PCDHGA7: variants seen among roughly 807,000 people sequenced by gnomAD.
PCDHGA7 encodes the protein protocadherin gamma subfamily A, 7, also known as protocadherin gamma-A7.
PCDHGA7 carries 44 observed loss-of-function variants against 58.3 expected under a neutral mutation model. The ratio of observed to expected loss-of-function variants is 0.75; its 90% CI spans 0.59 to 0.97. The LOEUF (loss-of-function observed/expected upper bound fraction) is 0.97. Among genes scored for constraint, PCDHGA7 ranks in the 50% least tolerant of loss-of-function variants. The pLI is 0.00. For synonymous variants in PCDHGA7, 516 were observed against 504.2 expected (o/e 1.02, Z -0.31); for missense variants, 1,266 against 1,188.7 (o/e 1.06, Z -0.96).
Position 141,409,135 on chromosome 5 carries a change from T to C in PCDHGA7, c.2424+23812T>C, listed in dbSNP as rs748247175. 3.1e-6 allele frequency: 5 copies of C among 1,614,026 alleles called. No homozygotes were observed. In the South Asian group the frequency reaches 3.3e-5, roughly 11 times the overall value. On this transcript the variant is annotated intron_variant, in intron 1 of 3. Coordinates refer to ENST00000518325, the MANE Select transcript of PCDHGA7 (RefSeq NM_018920.4). ...ATAACCAGTCATTTGATTTTGAAGA[T>C]GTAGAAAGGTACACCATGGAAGTGG...
chr5:141,505,616 C>A, intron 3 of PCDHGA7, 135 bp downstream of exon 3: 1 of 1,503,160 alleles, frequency 6.7e-7, no homozygotes. Flanking sequence ...CTGAAAGGAC[C>A]CACAATTCCA....
Position 141,387,188 on chromosome 5 carries a change from A to AT in PCDHGA7, c.2424+1869dup, listed in dbSNP as rs756053244. On this transcript the variant is annotated intron_variant, in intron 1 of 3. Transcript: ENST00000518325. ...TATAAATTGCACCTTCTAAAAGGCA[A>AT]TTTTGGTATTACTGATACTCTCCGG... is the stretch of plus-strand genomic sequence containing the variant. Among the ~76,000 whole-genome samples the AT allele has an allele frequency of 1.8e-3, 273 of 152,232 alleles. 6 individuals carry two copies. Among genetic ancestry groups the AT allele is most frequent in the Non-Finnish European group, 6.8e-4 (46 of 68,046 alleles).
chr5:141,486,089 G>T lies in PCDHGA7; in HGVS notation c.2425-8718G>T, dbSNP rs2099624123. On this transcript the variant is annotated intron_variant, in intron 1 of 3. Coordinates refer to ENST00000518325, the MANE Select transcript of PCDHGA7 (RefSeq NM_018920.4). The surrounding 1 kb of genome is among the most constrained non-coding windows in gnomAD (Gnocchi z 5.0). ...CACTACTGGAAAGCTTACTCTTTTG[G>T]GGCCCCTAGACTTTGAGAGTGAGAA... is the stretch of plus-strand genomic sequence containing the variant. 1 of 1,614,084 alleles carries T rather than the reference G, an allele frequency of 6.2e-7. No individual in the cohort carries two copies. The highest frequency in any genetic ancestry group is 8.5e-7 in the Non-Finnish European group (1 of 1,180,014).
chr5:141,472,230 C>T (rs1274096264), intron 1 of PCDHGA7, among the ~76,000 whole-genome samples: 1 of 152,116 alleles, frequency 6.6e-6, no homozygotes, highest in Non-Finnish European at 1.5e-5. Flanking sequence ...TCATATAATA[C>T]ATTCACTTTC....
rs754462129 is a variant in PCDHGA7, at chr5:141,490,693, G to T, written c.2425-4114G>T. 6.2e-7 allele frequency: 1 copy of T among 1,614,170 alleles called. No homozygotes were observed. Among genetic ancestry groups the T allele is most frequent in the South Asian group, 1.1e-5 (1 of 91,072 alleles). On this transcript the variant is annotated intron_variant, in intron 1 of 3. Transcript: ENST00000518325. This position sits in a 1 kb window ranked among gnomAD's most constrained non-coding sequence, Gnocchi z 5.4. Reference sequence around the variant, plus strand: ...GGCTGCCTCAGATCCAGACACTGGGGATAATGCCCGCCTCACCTACTCCAT... The same window carrying T: ...GGCTGCCTCAGATCCAGACACTGGGTATAATGCCCGCCTCACCTACTCCAT...
intron 1 of PCDHGA7, chr5:141,417,867 G>C (rs1182017096): frequency 1.9e-6 from 3 of 1,552,610 alleles, no homozygotes; most frequent in African/African-American, 2.7e-5. Flanking sequence ...ACGATGGGAG[G>C]GAGCTGCGCG....
At chr5:141,405,031 C>T (rs760020802) in intron 1 of PCDHGA7, 4 of 1,613,968 alleles carry the variant, frequency 2.5e-6, no homozygotes, top group South Asian at 2.2e-5. Context: ...CCCTCTACCT[C>T]GTTGTGGCTG....
rs372326132 is a variant in PCDHGA7 at position 141,486,185 on chromosome 5, G to A, written c.2425-8622G>A. On this transcript the variant is annotated intron_variant, in intron 1 of 3. Coordinates refer to ENST00000518325, the MANE Select transcript of PCDHGA7 (RefSeq NM_018920.4). The surrounding 1 kb of genome is among the most constrained non-coding windows in gnomAD (Gnocchi z 5.0). ...CATGGAGCAACATTGCAGCCTTCGAGTGGATCTGCTGGACGTAAATGACAA... is the reference window on the plus strand; with the variant it reads ...CATGGAGCAACATTGCAGCCTTCGAATGGATCTGCTGGACGTAAATGACAA... 42 of 1,614,108 alleles carry A rather than the reference G, an allele frequency of 2.6e-5. No homozygotes were observed. The highest frequency in any genetic ancestry group is 3.4e-5 in the Non-Finnish European group (40 of 1,180,048).
At chr5:141,488,478 A>T (rs1251914951) in intron 1 of PCDHGA7, among the ~76,000 whole-genome samples, 5 of 152,072 alleles carry the variant, frequency 3.3e-5, no homozygotes, top group African/African-American at 4.8e-5. Flanking sequence ...ATGTTCCCCT[A>T]CCCAAAAACT....
At chr5:141,392,775 A>G in intron 1 of PCDHGA7, 1 of 1,524,280 alleles carries the variant, frequency 6.6e-7, no homozygotes, top group Non-Finnish European at 8.8e-7. Context: ...CCATTTATGC[A>G]CAGTGAAGAT....
rs1345800081 is a variant in PCDHGA7, at chr5:141,485,453, G to A, written c.2425-9354G>A. 1 of 1,614,176 alleles carries A rather than the reference G, an allele frequency of 6.2e-7. No homozygotes were observed. The highest frequency in any genetic ancestry group is 8.5e-7 in the Non-Finnish European group (1 of 1,180,036). On this transcript the variant is annotated intron_variant, in intron 1 of 3. Transcript: ENST00000518325. The surrounding 1 kb of genome is among the most constrained non-coding windows in gnomAD (Gnocchi z 5.7). ...CATCAAGAACCCAATCGACCGAGAG[G>A]CACTGTGTGGGCTCAGTGCCAGCTG...
intron 1 of PCDHGA7, among the ~76,000 whole-genome samples, chr5:141,453,574 G>T (rs1285296493): frequency 6.6e-6 from 1 of 152,084 alleles, no homozygotes; most frequent in Non-Finnish European, 1.5e-5. Context: ...TCATTAGTTT[G>T]TGGTTTATCC....
intron 1 of PCDHGA7, chr5:141,408,969 C>T (rs1005367761): frequency 3.7e-6 from 6 of 1,613,594 alleles, no homozygotes; most frequent in Non-Finnish European, 5.1e-6. Context: ...GAAAATCTGC[C>T]CCCTGGGTCC....
intron 1 of PCDHGA7, chr5:141,417,710 T>C: frequency 8.0e-7 from 1 of 1,249,348 alleles, no homozygotes; most frequent in Non-Finnish European, 1.1e-6. Context: ...ACACAGAGGC[T>C]CCCGGCTGCG....
intron 1 of PCDHGA7, among the ~76,000 whole-genome samples, chr5:141,437,983 A>G (rs544812394): frequency 4.6e-5 from 7 of 151,938 alleles, no homozygotes; most frequent in Admixed American, 2.6e-4. Context: ...GGATGCACCC[A>G]CCCCACCTCA....
intron 1 of PCDHGA7, among the ~76,000 whole-genome samples, chr5:141,439,599 G>A (rs1319524199): frequency 6.6e-6 from 1 of 152,146 alleles, no homozygotes; most frequent in Non-Finnish European, 1.5e-5. Flanking sequence ...TGGCCAGTCT[G>A]GAAACAGAGA....
intron 1 of PCDHGA7, chr5:141,418,384 C>A (rs774636792): frequency 1.5e-5 from 25 of 1,613,864 alleles, no homozygotes; most frequent in East Asian, 4.5e-5. Context: ...TAAGTCCTAA[C>A]GAGTATTTCT....
intron 1 of PCDHGA7, among the ~76,000 whole-genome samples, chr5:141,468,747 T>A (rs2099176715): frequency 6.6e-6 from 1 of 151,990 alleles, no homozygotes; most frequent in South Asian, 2.1e-4. Context: ...GTGCCTGTAG[T>A]CCCAGCTACT....
At position 141,491,645 on chromosome 5, in the gene PCDHGA7, C is replaced by T; in HGVS notation, c.2425-3162C>T. On this transcript the variant is annotated intron_variant, in intron 1 of 3. Transcript: ENST00000518325. The surrounding 1 kb of genome is among the most constrained non-coding windows in gnomAD (Gnocchi z 6.9). ...AGCGTTCAGCAGCCCACAGCTCTGG[C>T]GCTGGAGCCTGACGCCATCCGGTCC... 1.2e-6 allele frequency: 2 copies of T among 1,613,890 alleles called. No homozygotes were observed. Among genetic ancestry groups the T allele is most frequent in the African/African-American group, 1.3e-5 (1 of 75,082 alleles).
Sources: gnomAD v4.1 joint callset for allele counts (sites outside exome capture counted in the v4.1 genomes callset) on GRCh38, gnomAD v4.1.1 for gene constraint, Gnocchi (gnomAD v3.1) non-coding constraint, MANE v1.5 for transcripts, NCBI Gene and HGNC (gene_info 2026-07-23, HGNC 2026-07-21) for gene names.